The following ABCG2 variants were observed in gnomAD, a reference collection of about 807,000 sequenced individuals.
ABCG2 encodes ATP binding cassette subfamily G member 2 (JR blood group).
A neutral mutation model predicts 73.5 loss-of-function variants in ABCG2; 80 were observed. The observed-to-expected ratio is 1.09, with a 90% CI of 0.91 to 1.31. The LOEUF (loss-of-function observed/expected upper bound fraction) is 1.31. ABCG2 is among the 50% of genes most tolerant of loss of function. The probability of loss-of-function intolerance (pLI) is 0.00; values close to 1 mark genes in which losing one functional copy is unlikely to be tolerated. For synonymous variants in ABCG2, 269 were observed against 282.4 expected (o/e 0.95, Z 0.48); for missense variants, 796 against 786.2 (o/e 1.01, Z -0.15).
chr4:88,110,395 T>A (rs561756874), intron 9 of ABCG2, among the ~76,000 whole-genome samples: 3 of 152,032 alleles, frequency 2.0e-5, no homozygotes, highest in East Asian at 3.9e-4. Flanking sequence ...ATACAAAAAT[T>A]AGCTGGGCAT....
intron 5 of ABCG2, among the ~76,000 whole-genome samples, chr4:88,130,631 T>C (rs1245396639): frequency 1.3e-5 from 2 of 152,108 alleles, no homozygotes; most frequent in African/African-American, 4.8e-5. Context: ...GCAAGAATCC[T>C]TGGACTCTCA....
At position 88,121,708 on chromosome 4, in the gene ABCG2, T is replaced by A; in HGVS notation, c.616A>T (p.Ile206Phe). The stretch of plus-strand genomic sequence containing the variant: ...GTTGTAGGCTCATCCAAGAACAAGA[T>A]GGAAGGATCAGTGATAAGCTCCATT... ...IGMELITDPS[I>F]LFLDEPTTGL... The change falls in exon 6 of 16, where the codon ATC becomes TTC. Residue 206 changes from isoleucine (I) to phenylalanine (F), a missense_variant. Ile to Phe is a conservative substitution (Grantham distance 21). Coordinates refer to ENST00000237612, the MANE Select transcript of ABCG2 (RefSeq NM_004827.3). 6.2e-7 allele frequency: 1 copy of A among 1,614,138 alleles called. No individual in the cohort carries two copies.
intron 1 of ABCG2, among the ~76,000 whole-genome samples, chr4:88,192,220 G>A (rs1264272659): frequency 1.3e-5 from 2 of 151,904 alleles, no homozygotes; most frequent in African/African-American, 4.8e-5. Context: ...TTTGGGGTTT[G>A]GATGGGAAAG....
chr4:88,132,751 G>T, intron 2 of ABCG2, 116 bp from the exon 3 acceptor site: 1 of 1,154,222 alleles, frequency 8.7e-7, no homozygotes. Flanking sequence ...TAGAACACAA[G>T]CACAAACCAA....
At chr4:88,099,831 T>C (rs918621773) in intron 11 of ABCG2, among the ~76,000 whole-genome samples, 4 of 152,168 alleles carry the variant, frequency 2.6e-5, no homozygotes, top group Admixed American at 1.3e-4. Context: ...TTGGCAGGAA[T>C]AGAAGCTTTT....
At chr4:88,097,640 A>G in intron 12 of ABCG2, 33 bp from the exon 13 acceptor site, 1 of 1,609,212 alleles carries the variant, frequency 6.2e-7, no homozygotes, top group Non-Finnish European at 8.5e-7. Flanking sequence ...AGTTAACCCA[A>G]CTGCCTAGGT....
chr4:88,115,531 G>T (rs1441724586), intron 7 of ABCG2, among the ~76,000 whole-genome samples: 1 of 147,800 alleles, frequency 6.8e-6, no homozygotes, highest in South Asian at 2.1e-4. Flanking sequence ...TGATCCACCC[G>T]CCTCGGCCTC....
intron 15 of ABCG2, 33 bp downstream of exon 15, chr4:88,094,544 C>CA (rs757767135): frequency 6.3e-7 from 1 of 1,577,050 alleles, no homozygotes; most frequent in Middle Eastern, 1.7e-4. Flanking sequence ...ATGGTAGTAA[C>CA]AAAACCCATT....
In ABCG2 at chr4:88,121,712, A is replaced by C; in HGVS notation, c.612T>G (p.Pro204=). 1 of 1,614,088 alleles carries C rather than the reference A, an allele frequency of 6.2e-7. No individual in the cohort carries two copies. The highest frequency in any genetic ancestry group is 8.5e-7 in the Non-Finnish European group (1 of 1,179,958). ...TAGGCTCATCCAAGAACAAGATGGA[A>C]GGATCAGTGATAAGCTCCATTCCTA... is the stretch of plus-strand genomic sequence containing the variant. ...TSIGMELITD[P]SILFLDEPTT... Residue 204 remains proline, a synonymous_variant, in exon 6 of 16, where the codon CCT becomes CCG. Transcript: ENST00000237612.
intron 1 of ABCG2, among the ~76,000 whole-genome samples, chr4:88,213,320 C>A (rs995470538): frequency 2.0e-5 from 3 of 152,102 alleles, no homozygotes; most frequent in African/African-American, 7.2e-5. Flanking sequence ...ATTTCAACAC[C>A]GAAACATTTT....
chr4:88,096,066 A>C (rs922557723), intron 13 of ABCG2, among the ~76,000 whole-genome samples: 1 of 152,222 alleles, frequency 6.6e-6, no homozygotes, highest in African/African-American at 2.4e-5. Context: ...GTTATTTACA[A>C]AGGTTTGCAG....
intron 5 of ABCG2, among the ~76,000 whole-genome samples, chr4:88,125,539 T>C (rs968055405): frequency 3.4e-4 from 41 of 120,386 alleles, no homozygotes; most frequent in Non-Finnish European, 6.3e-5. Flanking sequence ...ACCCAGGAGG[T>C]GGAGCTTGCA....
chr4:88,160,907 A>G (rs1220503206), upstream of ABCG2, among the ~76,000 whole-genome samples: 1 of 150,798 alleles, frequency 6.6e-6, no homozygotes, highest in East Asian at 2.0e-4. Flanking sequence ...AAGGAGTGAC[A>G]GCTCACTCCT....
intron 6 of ABCG2, among the ~76,000 whole-genome samples, chr4:88,120,957 C>T (rs1032636957): frequency 1.3e-5 from 2 of 152,104 alleles, no homozygotes; most frequent in Non-Finnish European, 2.9e-5. Context: ...AATAACAATA[C>T]ACAGGTGGAA....
chr4:88,188,334 T>C (rs1728550207), intron 1 of ABCG2, among the ~76,000 whole-genome samples: 1 of 152,188 alleles, frequency 6.6e-6, no homozygotes. Context: ...TGCATTGGTC[T>C]AAACGTCTGT....
intron 2 of ABCG2, 46 bp from the exon 3 acceptor site, chr4:88,132,681 G>C: frequency 6.2e-7 from 1 of 1,603,574 alleles, no homozygotes; most frequent in Non-Finnish European, 8.5e-7. Context: ...TTTTAAGTCA[G>C]GTTCTATTAA....
At chr4:88,201,050 T>C (rs1159604173) in intron 1 of ABCG2, among the ~76,000 whole-genome samples, 1 of 148,394 alleles carries the variant, frequency 6.7e-6, no homozygotes, top group East Asian at 2.0e-4. Flanking sequence ...AAACTAGAAA[T>C]AGAAGAGTAA....
intron 8 of ABCG2, among the ~76,000 whole-genome samples, chr4:88,114,187 GA>G (rs1442028033): frequency 8.6e-5 from 13 of 151,722 alleles, no homozygotes; most frequent in Non-Finnish European, 1.5e-4. Context: ...TTTAAAAAGA[GA>G]AAAAGAAAGA....
In ABCG2 at chr4:88,131,214, C is replaced by T. The variant is rs1724850094; in HGVS notation, c.379-1G>A. On this transcript the variant is annotated splice_acceptor_variant, in intron 4 of 15. Transcript: ENST00000237612. LOFTEE classifies it high-confidence loss of function. ...TCAGAGTGCCCATCACAACATCATC[C>T]TTAAGGCAAATAGCATTTTAATGAG... is the stretch of plus-strand genomic sequence containing the variant. 1 of 1,613,706 alleles carries T rather than the reference C, an allele frequency of 6.2e-7. No individual in the cohort carries two copies. Among genetic ancestry groups the T allele is most frequent in the African/African-American group, 1.3e-5 (1 of 74,886 alleles).
Sources: allele counts gnomAD v4.1 joint callset (sites outside exome capture counted in the v4.1 genomes callset), GRCh38; gene constraint gnomAD v4.1.1; transcripts MANE v1.5; gene names NCBI Gene and HGNC (gene_info 2026-07-23, HGNC 2026-07-21).